Variants in SYNJ2 observed in about 807,000 individuals in gnomAD.
SYNJ2 encodes synaptojanin 2.
In SYNJ2, 116 loss-of-function variants were observed where a neutral mutation model predicts 141.3. That is an observed-to-expected ratio of 0.82 (90% CI 0.71 to 0.96). The LOEUF is 0.96. Among genes scored for constraint, SYNJ2 ranks in the 40% least tolerant of loss-of-function variants. The pLI is 0.00. For missense variants in SYNJ2, 1,873 were observed against 1,934.8 expected, an observed-to-expected ratio of 0.97 and a Z score of 0.60; for synonymous variants, 745 against 777.7, an observed-to-expected ratio of 0.96 and a Z score of 0.70.
chr6:157,991,464 AGG>A (rs1777421567), intron 1 of SYNJ2, among the ~76,000 whole-genome samples: 1 of 152,110 alleles, frequency 6.6e-6, no homozygotes, highest in East Asian at 1.9e-4. Context: ...TCAGCTTGGG[AGG>A]GAGGAGACCT....
chr6:158,019,732 G>A (rs1159366089), intron 2 of SYNJ2, among the ~76,000 whole-genome samples: 1 of 152,188 alleles, frequency 6.6e-6, no homozygotes, highest in Non-Finnish European at 1.5e-5. Context: ...GTCACCCCCC[G>A]GAGTGGGTTG....
rs145920975 is a variant in SYNJ2 at position 158,091,982 on chromosome 6, T to G, written c.3566-944T>G. ...GCTGCTGTGGGGCTTCTTTTTTGTG[T>G]GATGAAAATGTTCTGGAGTTAGATC... On this transcript the variant is annotated intron_variant, in intron 25 of 26. Transcript: ENST00000355585. Among the ~76,000 whole-genome samples the G allele has an allele frequency of 7.4e-3, 1,122 of 152,074 alleles. 13 individuals carry two copies. Among genetic ancestry groups the G allele is most frequent in the African/African-American group, 0.025 (1,047 of 41,464 alleles).
At chr6:158,067,081 C>T (rs1180920908) in intron 12 of SYNJ2, among the ~76,000 whole-genome samples, 23 of 152,186 alleles carry the variant, frequency 1.5e-4, no homozygotes, top group Admixed American at 1.5e-3. Context: ...TGTAGTGACG[C>T]AATCTCGGCT....
intron 2 of SYNJ2, among the ~76,000 whole-genome samples, chr6:158,020,237 ACCCCC>A (rs1778690758): frequency 8.2e-5 from 10 of 121,828 alleles, no homozygotes; most frequent in African/African-American, 3.8e-4. Context: ...TGACTGTGTG[ACCCCC>A]ACCTGCGTGA....
chr6:158,033,741 C>T, intron 4 of SYNJ2, 61 bp downstream of exon 4: 9 of 1,523,286 alleles, frequency 5.9e-6, no homozygotes, highest in South Asian at 4.8e-5. Context: ...CTCTTGCACA[C>T]GCGCTTTCCA....
At position 158,081,100 on chromosome 6, in the gene SYNJ2, C is replaced by G; in HGVS notation, c.2568-9C>G. 2 of 1,613,300 alleles carry G rather than the reference C, an allele frequency of 1.2e-6. No homozygotes were observed. The highest frequency in any genetic ancestry group is 8.5e-7 in the Non-Finnish European group (1 of 1,179,868). ...GCTAACTGTCATCCCTCTTTTGTTCCTAACGCAGACCTGTGCTGGCGATCG... is the reference window on the plus strand; with the variant it reads ...GCTAACTGTCATCCCTCTTTTGTTCGTAACGCAGACCTGTGCTGGCGATCG... On this transcript the variant is annotated splice_polypyrimidine_tract_variant and intron_variant, in intron 18 of 26. Coordinates refer to ENST00000355585, the MANE Select transcript of SYNJ2 (RefSeq NM_003898.4).
intron 1 of SYNJ2, among the ~76,000 whole-genome samples, chr6:157,993,054 A>T (rs909524208): frequency 2.6e-5 from 4 of 152,248 alleles, no homozygotes; most frequent in Non-Finnish European, 5.9e-5. Flanking sequence ...CATATAGTAC[A>T]TATAGTACAT....
Position 158,069,625 on chromosome 6 carries a change from G to A in SYNJ2, c.1892G>A (p.Gly631Asp), listed in dbSNP as rs767145022. 1 of 1,613,980 alleles carries A rather than the reference G, an allele frequency of 6.2e-7. No individual in the cohort carries two copies. The highest frequency in any genetic ancestry group is 8.5e-7 in the Non-Finnish European group (1 of 1,179,906). Residue 631 changes from glycine (G) to aspartate (D), a missense_variant, in exon 14 of 27, where the codon GGC (glycine) becomes GAC (aspartate). Physicochemically the swap from Gly to Asp is moderately conservative, Grantham distance 94. Coordinates refer to ENST00000355585, the MANE Select transcript of SYNJ2 (RefSeq NM_003898.4). The part of the protein sequence containing the change: ...YILLTSAQLV[G>D]VCLYIFVRPY... ...CTGTTGACTTCGGCACAGCTGGTGG[G>A]CGTCTGTCTTTATATCTTTGTACGT...
intron 3 of SYNJ2, among the ~76,000 whole-genome samples, chr6:158,032,217 C>T (rs1779406437): frequency 6.6e-6 from 1 of 152,106 alleles, no homozygotes; most frequent in Admixed American, 6.5e-5. Context: ...TGGCTTTGGT[C>T]ACAGTCGGGG....
At chr6:158,047,908 C>T (rs922178399) in intron 5 of SYNJ2, among the ~76,000 whole-genome samples, 6 of 151,216 alleles carry the variant, frequency 4.0e-5, no homozygotes, top group African/African-American at 1.2e-4. Context: ...TGGTGGCATC[C>T]GGAGAAGCAT....
chr6:158,093,457 A>AAC (rs1554258024), intron 26 of SYNJ2, among the ~76,000 whole-genome samples: 28 of 151,428 alleles, frequency 1.8e-4, no homozygotes, highest in African/African-American at 6.6e-4. Context: ...AAACAAAAAA[A>AAC]AAAAAACAGA....
At position 158,064,894 on chromosome 6, in the gene SYNJ2, G is replaced by A; in HGVS notation, c.1428G>A (p.Val476=). Reference sequence around the variant, plus strand: ...TCCAGTCCAACTTCTTCGACGGGGTGAAGCAGGAGGCCATCAAGCTGCTGC... The same window carrying A: ...TCCAGTCCAACTTCTTCGACGGGGTAAAGCAGGAGGCCATCAAGCTGCTGC... ...RTIQSNFFDG[V]KQEAIKLLLV... Residue 476 remains valine (V), a synonymous_variant, in exon 11 of 27, where the codon GTG becomes GTA. Coordinates refer to ENST00000355585, the MANE Select transcript of SYNJ2 (RefSeq NM_003898.4). 3 of 1,613,796 alleles carry A rather than the reference G, an allele frequency of 1.9e-6. No individual in the cohort carries two copies. The highest frequency in any genetic ancestry group is 2.5e-6 in the Non-Finnish European group (3 of 1,179,884).
chr6:158,061,948 C>G (rs747594201), intron 7 of SYNJ2, 44 bp from the exon 8 acceptor site: 1 of 1,595,362 alleles, frequency 6.3e-7, no homozygotes, highest in Non-Finnish European at 8.6e-7. Context: ...TCCTCGTCCT[C>G]CCTTCCCTCT....
intron 26 of SYNJ2, among the ~76,000 whole-genome samples, chr6:158,094,394 C>CAAAAAAAAAA (rs532980446): frequency 4.1e-5 from 3 of 72,950 alleles, no homozygotes; most frequent in African/African-American, 5.5e-5. Context: ...TACGGCTGGG[C>CAAAAAAAAAA]AAAAAAAAAA....
Position 158,043,361 on chromosome 6 carries a change from G to A in SYNJ2, c.757G>A (p.Gly253Ser), listed in dbSNP as rs1406061913. The change falls in exon 5 of 27, where the codon GGC (glycine) becomes AGC (serine). Residue 253 changes from glycine (G) to serine (S), a missense_variant. Physicochemically the swap from Gly to Ser is moderately conservative, Grantham distance 56. Transcript: ENST00000355585. This position sits in a 1 kb window ranked among gnomAD's most constrained non-coding sequence, Gnocchi z 4.0. The stretch of plus-strand genomic sequence containing the variant: ...AGTGTCATCTTTTGTCCAGATCAGA[G>A]GCTCCGTTCCGCTGTTCTGGGAACA... ...DGVSSFVQIR[G>S]SVPLFWEQPG... 4 of 1,614,048 alleles carry A rather than the reference G, an allele frequency of 2.5e-6. No individual in the cohort carries two copies. The Admixed American group carries it at 5.0e-5, about 20-fold the overall frequency.
In SYNJ2 at chr6:158,094,394, C is replaced by CAAA. The variant is rs532980446; in HGVS notation, c.3745-1202_3745-1200dup. On this transcript the variant is annotated intron_variant, in intron 26 of 26. Transcript: ENST00000355585. Reference sequence around the variant, plus strand: ...ACACATACATTAGCCTACGGCTGGGCAAAAAAAAAAAAAAAAAAAAAAAAC... The same window carrying CAAA: ...ACACATACATTAGCCTACGGCTGGGCAAAAAAAAAAAAAAAAAAAAAAAAAAAC... 4.9e-3 allele frequency among the ~76,000 whole-genome samples: 353 copies of CAAA among 72,662 alleles called. 2 individuals are homozygous for CAAA. The highest frequency in any genetic ancestry group is 7.8e-3 in the African/African-American group (143 of 18,370). 47.7% of individuals were successfully genotyped at this position (72,662 alleles called of 152,430 possible). A position where few individuals can be genotyped will look rare whatever the true frequency, so the allele number is the denominator to read the frequency against.
Position 158,086,904 on chromosome 6 carries a change from G to T in SYNJ2, c.3258G>T (p.Glu1086Asp). ...AGCGGGAGCTGGAAGCCGTCGGGGA[G>T]TTCCGCCACCGTTCTCCGAGCAGGT... Reference protein sequence around the residue: ...ELKRELEAVGEFRHRSPSRSL... With the variant: ...ELKRELEAVGDFRHRSPSRSL... Residue 1086 changes from glutamate (E) to aspartate (D), a missense_variant, in exon 23 of 27, where the codon GAG (glutamate) becomes GAT (aspartate). Glu to Asp is a conservative substitution (Grantham distance 45, BLOSUM62 2). Transcript: ENST00000355585. 1 of 1,610,232 alleles carries T rather than the reference G, an allele frequency of 6.2e-7. No homozygotes were observed.
At chr6:158,067,863 C>G (rs778779820) in intron 12 of SYNJ2, 1 of 985,126 alleles carries the variant, frequency 1.0e-6, no homozygotes, top group Non-Finnish European at 1.2e-6. Flanking sequence ...GGATGCCCTC[C>G]GGAGCAGGCC....
At chr6:158,014,977 G>A (rs1220715625) in intron 1 of SYNJ2, among the ~76,000 whole-genome samples, 2 of 152,216 alleles carry the variant, frequency 1.3e-5, no homozygotes, top group African/African-American at 4.8e-5. Flanking sequence ...GATGGGGATG[G>A]TTGAGAGGAA....
Sources: allele counts gnomAD v4.1 joint callset (sites outside exome capture counted in the v4.1 genomes callset), GRCh38; gene constraint gnomAD v4.1.1; non-coding constraint Gnocchi (gnomAD v3.1); transcripts MANE v1.5; gene names NCBI Gene and HGNC (gene_info 2026-07-23, HGNC 2026-07-21).